Variants in APLP2 observed in about 807,000 individuals in gnomAD.
APLP2 encodes amyloid beta precursor like protein 2, also known as CDEI box-binding protein.
In APLP2, 53 loss-of-function variants were observed where a neutral mutation model predicts 89.9. The ratio of observed to expected loss-of-function variants is 0.59; its 90% confidence interval spans 0.47 to 0.74. The LOEUF (loss-of-function observed/expected upper bound fraction) is 0.74, where lower values mean the gene tolerates loss of function less well. APLP2 is among the 30% of genes least tolerant of loss of function. The pLI, the probability that APLP2 is intolerant of heterozygous loss-of-function variation, is 0.00. For missense variants in APLP2, 973 were observed against 975.9 expected (o/e 1.00, Z 0.04); for synonymous variants, 372 against 348.6 (o/e 1.07, Z -0.75).
At chr11:130,114,677 C>G (rs1482863591) in intron 3 of APLP2, among the ~76,000 whole-genome samples, 3 of 152,180 alleles carry the variant, frequency 2.0e-5, no homozygotes, top group Non-Finnish European at 4.4e-5. Context: ...TTCTCTGAGA[C>G]ACCATGGTTT....
At chr11:130,076,083 T>C (rs969284968) in intron 1 of APLP2, among the ~76,000 whole-genome samples, 1 of 152,158 alleles carries the variant, frequency 6.6e-6, no homozygotes, top group Non-Finnish European at 1.5e-5. Context: ...CCTTTCTGTT[T>C]GTTTGTTTTG....
chr11:130,111,432 C>T (rs1053396761), intron 3 of APLP2, among the ~76,000 whole-genome samples: 1 of 152,208 alleles, frequency 6.6e-6, no homozygotes, highest in Middle Eastern at 3.4e-3. Context: ...AAAGTAGATA[C>T]AGCATTAATG....
At position 130,110,002 on chromosome 11, in the gene APLP2, C is replaced by G. The variant is rs114846496; in HGVS notation, c.279+400C>G. Among the ~76,000 whole-genome samples the G allele has an allele frequency of 2.0e-5, 3 of 152,294 alleles. No individual in the cohort carries two copies. In the South Asian group the frequency reaches 6.2e-4, roughly 32 times the overall value. On this transcript the variant is annotated intron_variant, in intron 2 of 16. Coordinates refer to ENST00000338167, the MANE Select transcript of APLP2 (RefSeq NM_001142276.2). ...GAGAAAATGATAGGAGATGTTATAACTTGTATTTATTTTTTCTGATAGAGA... is the reference window on the plus strand; with the variant it reads ...GAGAAAATGATAGGAGATGTTATAAGTTGTATTTATTTTTTCTGATAGAGA...
intron 3 of APLP2, among the ~76,000 whole-genome samples, chr11:130,116,210 C>T (rs1276432635): frequency 6.6e-6 from 1 of 151,774 alleles, no homozygotes; most frequent in East Asian, 1.9e-4. Flanking sequence ...AGTAACTAGC[C>T]TGAAGAAGGG....
intron 13 of APLP2, 62 bp from the exon 14 acceptor site, chr11:130,140,336 C>T (rs1461628166): frequency 5.9e-6 from 8 of 1,353,468 alleles, no homozygotes; most frequent in Non-Finnish European, 8.1e-6. Context: ...TTTGCTGCTT[C>T]TGTGCAATGG....
rs1950669172 is a variant in APLP2 at position 130,129,188 on chromosome 11, G to A, written c.1437G>A (p.Leu479=). The stretch of plus-strand genomic sequence containing the variant: ...CTCTGGAGAACTACCTGGCTGCCTT[G>A]CAGTCTGACCCGCCACGGGTGAGTC... ...RMALENYLAA[L]QSDPPRPHRI... Residue 479 remains leucine (L), a synonymous_variant, in exon 10 of 17, where the codon TTG becomes TTA. Transcript: ENST00000338167. 1.2e-6 allele frequency: 2 copies of A among 1,612,922 alleles called. No individual in the cohort carries two copies. Among genetic ancestry groups the A allele is most frequent in the African/African-American group, 2.7e-5 (2 of 74,926 alleles).
At position 130,125,312 on chromosome 11, in the gene APLP2, A is replaced by G. The variant is rs374601357; in HGVS notation, c.1091-1388A>G. 2.0e-4 allele frequency among the ~76,000 whole-genome samples: 30 copies of G among 152,300 alleles called. 1 individual carries two copies. The South Asian group carries it at 5.6e-3, about 28-fold the overall frequency. On this transcript the variant is annotated intron_variant, in intron 7 of 16. Transcript: ENST00000338167. ...GTTTGCTGTTCCCTTTTTCCAGTCC[A>G]GCAATGTGAACCAAAGGCTCCGTCT...
chr11:130,135,607 G>A lies in APLP2; in HGVS notation c.1729G>A (p.Ala577Thr), dbSNP rs1005266794. The change falls in exon 13 of 17, where the codon GCC becomes ACC. Residue 577 changes from alanine (A) to threonine (T), a missense_variant. Physicochemically the swap from Ala to Thr is moderately conservative, Grantham distance 58 (BLOSUM62 0). Coordinates refer to ENST00000338167, the MANE Select transcript of APLP2 (RefSeq NM_001142276.2). Reference sequence around the variant, plus strand: ...GCGTGCAGATATGGACCAGTTCACTGCCTCAATCTCAGAGACCCCTGTGGA... The same window carrying A: ...GCGTGCAGATATGGACCAGTTCACTACCTCAATCTCAGAGACCCCTGTGGA... ...EQRADMDQFT[A>T]SISETPVDVR... 8.1e-6 allele frequency: 13 copies of A among 1,614,064 alleles called. No individual in the cohort carries two copies. Among genetic ancestry groups the A allele is most frequent in the African/African-American group, 1.3e-5 (1 of 74,920 alleles).
chr11:130,138,815 T>A (rs1220167559), intron 13 of APLP2: 1 of 150,500 alleles, frequency 6.6e-6, no homozygotes, highest in African/African-American at 2.5e-5. Flanking sequence ...CCCAGGCTGG[T>A]CTCGAACTCC....
chr11:130,084,816 T>G (rs985871792), intron 1 of APLP2, among the ~76,000 whole-genome samples: 1 of 151,494 alleles, frequency 6.6e-6, no homozygotes, highest in South Asian at 2.1e-4. Flanking sequence ...GAAAATAATT[T>G]GCAACAGAAT....
chr11:130,143,589 G>A lies in APLP2; in HGVS notation c.*141G>A. The A allele has an allele frequency of 1.5e-6, 1 of 654,228 alleles. No homozygotes were observed. The highest frequency in any genetic ancestry group is 2.6e-5 in the Admixed American group (1 of 39,092). 40.5% of individuals were successfully genotyped at this position (654,228 alleles called of 1,614,324 possible). On this transcript the variant is annotated 3_prime_UTR_variant, in exon 17 of 17. Transcript: ENST00000338167. ...CTCCTGGACTGTAGGACTATATAAAGTACTACTGTAGAACTGCAATTTCCA... is the reference window on the plus strand; with the variant it reads ...CTCCTGGACTGTAGGACTATATAAAATACTACTGTAGAACTGCAATTTCCA...
At chr11:130,094,430 C>T (rs1945914440) in intron 1 of APLP2, among the ~76,000 whole-genome samples, 1 of 152,066 alleles carries the variant, frequency 6.6e-6, no homozygotes. Flanking sequence ...CTCAAATGAT[C>T]CACTCACCTC....
intron 1 of APLP2, among the ~76,000 whole-genome samples, chr11:130,103,162 TTAAA>T (rs1947163794): frequency 6.6e-6 from 1 of 152,180 alleles, no homozygotes; most frequent in African/African-American, 2.4e-5. Flanking sequence ...GGACAGCACA[TTAAA>T]TAAGGGCATT....
chr11:130,133,869 G>C (rs1951219795), intron 12 of APLP2, 141 bp downstream of exon 12: 1 of 635,504 alleles, frequency 1.6e-6, no homozygotes. Flanking sequence ...CAGAAGCCTG[G>C]AGTCCACTGG....
At chr11:130,087,150 C>T (rs1025766381) in intron 1 of APLP2, among the ~76,000 whole-genome samples, 3 of 152,122 alleles carry the variant, frequency 2.0e-5, no homozygotes, top group African/African-American at 2.4e-5. Flanking sequence ...TTTTAGTTTA[C>T]ACTATGGCTT....
Position 130,121,739 on chromosome 11 carries a change from AGAAGAG to A in APLP2, c.654_659del (p.Glu218_Glu219del). On this transcript the variant is annotated inframe_deletion, in exon 5 of 17. Transcript: ENST00000338167. ...CAAAGATTATTGGATCTGTGTCAAA[AGAAGAG>A]GAAGAGGAAGATGAAGAGGAAGAGG... 283 of 1,613,220 alleles carry A rather than the reference AGAAGAG, an allele frequency of 1.8e-4. No individual in the cohort carries two copies. The highest frequency in any genetic ancestry group is 6.6e-4 in the Middle Eastern group (4 of 6,056).
chr11:130,073,819 G>T lies in APLP2; in HGVS notation c.105+3737G>T, dbSNP rs139360350. Among the ~76,000 whole-genome samples the T allele has an allele frequency of 9.2e-4, 140 of 152,280 alleles. 3 individuals carry two copies. In the East Asian group the frequency reaches 0.027, roughly 29 times the overall value. On this transcript the variant is annotated intron_variant, in intron 1 of 16. Coordinates refer to ENST00000338167, the MANE Select transcript of APLP2 (RefSeq NM_001142276.2). The stretch of plus-strand genomic sequence containing the variant: ...TGCACTCCAGCCTGGGCAACAGAGC[G>T]AGACTCCATCTCAAGAAAACAAGAA...
intron 8 of APLP2, 128 bp downstream of exon 8, chr11:130,126,958 G>A: frequency 7.8e-7 from 1 of 1,283,272 alleles, no homozygotes; most frequent in Non-Finnish European, 1.1e-6. Flanking sequence ...TGAGTCAGGA[G>A]AGAGTTACCA....
chr11:130,136,986 A>C (rs1372284639), intron 13 of APLP2, among the ~76,000 whole-genome samples: 1 of 152,198 alleles, frequency 6.6e-6, no homozygotes, highest in African/African-American at 2.4e-5. Flanking sequence ...GGCTAAGCTA[A>C]ATAGTGCAGG....
Sources: gnomAD v4.1 joint callset for allele counts (sites outside exome capture counted in the v4.1 genomes callset) on GRCh38, gnomAD v4.1.1 for gene constraint, MANE v1.5 for transcripts, NCBI Gene and HGNC (gene_info 2026-07-23, HGNC 2026-07-21) for gene names.